Variants in KCNMA1 observed in about 807,000 individuals in gnomAD.
KCNMA1 encodes potassium calcium-activated channel subfamily M alpha 1.
Under a neutral mutation model 140.0 loss-of-function variants are expected in KCNMA1, and 29 were observed. The ratio of observed to expected loss-of-function variants is 0.21; its 90% CI spans 0.15 to 0.28. KCNMA1 has a LOEUF of 0.28. Ranked by LOEUF, KCNMA1 falls within the 10% of genes least tolerant of loss-of-function variation. The probability of loss-of-function intolerance (pLI) is 1.00; values close to 1 mark genes in which losing one functional copy is unlikely to be tolerated. For missense variants in KCNMA1, 880 were observed against 1,602.2 expected, an observed-to-expected ratio of 0.55 and a Z score of 7.70; for synonymous variants, 612 against 611.9, an observed-to-expected ratio of 1.00 and a Z score of 0.00.
chr10:76,946,729 A>G (rs1412344141), intron 22 of KCNMA1, among the ~76,000 whole-genome samples: 1 of 152,182 alleles, frequency 6.6e-6, no homozygotes, highest in Non-Finnish European at 1.5e-5. Context: ...GCCTGCATCC[A>G]TATTCTTTTA....
intron 2 of KCNMA1, among the ~76,000 whole-genome samples, chr10:77,261,806 C>T (rs1296337153): frequency 5.3e-5 from 8 of 152,214 alleles, no homozygotes; most frequent in Non-Finnish European, 1.0e-4. Context: ...GAAGACCTTT[C>T]CTGTCCAAGT....
At chr10:77,207,188 A>G (rs1289784149) in intron 3 of KCNMA1, among the ~76,000 whole-genome samples, 1 of 152,208 alleles carries the variant, frequency 6.6e-6, no homozygotes, top group Non-Finnish European at 1.5e-5. Flanking sequence ...ATGTTAATCT[A>G]AAGCTCTTCT....
chr10:77,334,855 TA>T (rs1406719283), intron 2 of KCNMA1, among the ~76,000 whole-genome samples: 1 of 152,240 alleles, frequency 6.6e-6, no homozygotes, highest in East Asian at 1.9e-4. Flanking sequence ...CCAATATATG[TA>T]ATATATTATA....
intron 5 of KCNMA1, among the ~76,000 whole-genome samples, chr10:77,168,421 A>C (rs139038760): frequency 1.3e-5 from 2 of 152,296 alleles, no homozygotes; most frequent in East Asian, 3.9e-4. Context: ...AGACAAACCT[A>C]GATTGTATAG....
In KCNMA1 at chr10:77,147,265, A is replaced by C. The variant is rs1024645447; in HGVS notation, c.809-26217T>G. Among the ~76,000 whole-genome samples the C allele has an allele frequency of 2.0e-5, 3 of 152,190 alleles. No individual in the cohort carries two copies. The South Asian group carries it at 6.2e-4, about 32-fold the overall frequency. On this transcript the variant is annotated intron_variant, in intron 5 of 27. Coordinates refer to ENST00000286628, the MANE Select transcript of KCNMA1 (RefSeq NM_001161352.2). ...TTAAGTGTCTGCAGGTCTCTTCTTCACGCACTTACTCTTATTAAGTTTGGG... is the reference window on the plus strand; with the variant it reads ...TTAAGTGTCTGCAGGTCTCTTCTTCCCGCACTTACTCTTATTAAGTTTGGG...
chr10:77,471,386 C>T (rs949331308), intron 1 of KCNMA1, among the ~76,000 whole-genome samples: 9 of 151,482 alleles, frequency 5.9e-5, no homozygotes, highest in African/African-American at 2.2e-4. Context: ...ACCACACACA[C>T]CACATAACAC....
intron 2 of KCNMA1, among the ~76,000 whole-genome samples, chr10:77,298,251 A>T (rs1459774407): frequency 6.6e-6 from 1 of 151,974 alleles, no homozygotes; most frequent in Admixed American, 6.6e-5. Flanking sequence ...TTATTTATTT[A>T]TTTATTTTGA....
At chr10:77,184,997 G>A in intron 3 of KCNMA1, 81 bp from the exon 4 acceptor site, 2 of 840,050 alleles carry the variant, frequency 2.4e-6, no homozygotes, top group South Asian at 1.3e-5. Flanking sequence ...AGAAGTGGTA[G>A]TGCTTAGGGT....
chr10:77,586,493 A>C (rs2077319908), intron 1 of KCNMA1: 1 of 152,256 alleles, frequency 6.6e-6, no homozygotes, highest in African/African-American at 2.4e-5. Flanking sequence ...GAGATGCAGC[A>C]ATAAATTACA....
intron 12 of KCNMA1, 105 bp downstream of exon 12, chr10:77,084,532 G>A (rs977511701): frequency 3.1e-5 from 27 of 873,840 alleles, no homozygotes; most frequent in South Asian, 2.7e-4. Flanking sequence ...TGGCTTGTGG[G>A]GCAAAAAGGC....
At chr10:77,025,525 A>G in intron 16 of KCNMA1, 1 of 1,269,672 alleles carries the variant, frequency 7.9e-7, no homozygotes, top group Non-Finnish European at 1.1e-6. Flanking sequence ...CACCAGAAGG[A>G]AAGAAGGAAT....
intron 19 of KCNMA1, among the ~76,000 whole-genome samples, chr10:76,984,206 T>TG (rs1184071214): frequency 6.6e-6 from 1 of 151,652 alleles, no homozygotes; most frequent in African/African-American, 2.4e-5. Context: ...ATTTACTTTT[T>TG]TTTTTTGAGA....
intron 16 of KCNMA1, among the ~76,000 whole-genome samples, chr10:77,026,711 G>C (rs932957004): frequency 2.0e-5 from 3 of 152,118 alleles, no homozygotes; most frequent in East Asian, 1.9e-4. Context: ...GATTGACTTT[G>C]TGAGCAATCT....
At chr10:77,156,981 T>A (rs1433546831) in intron 5 of KCNMA1, among the ~76,000 whole-genome samples, 2 of 152,168 alleles carry the variant, frequency 1.3e-5, no homozygotes, top group Non-Finnish European at 2.9e-5. Context: ...GGAGACTGAT[T>A]TGAAGGATAA....
chr10:76,951,144 G>A (rs1396343736), intron 21 of KCNMA1, among the ~76,000 whole-genome samples: 6 of 152,132 alleles, frequency 3.9e-5, no homozygotes. Flanking sequence ...TAGGGAGGTG[G>A]GGAAGGCACA....
chr10:76,931,752 C>T (rs777254999), intron 23 of KCNMA1, among the ~76,000 whole-genome samples: 2 of 152,268 alleles, frequency 1.3e-5, no homozygotes, highest in East Asian at 1.9e-4. Flanking sequence ...GGAGGGGAAG[C>T]GCCCCATGCT....
At chr10:77,610,796 TA>T (rs1411598309) in intron 1 of KCNMA1, among the ~76,000 whole-genome samples, 1 of 152,196 alleles carries the variant, frequency 6.6e-6, no homozygotes, top group Non-Finnish European at 1.5e-5. Flanking sequence ...ATGTAGATAA[TA>T]ATGATGGTTA....
At chr10:77,382,167 G>T (rs905642260) in intron 2 of KCNMA1, among the ~76,000 whole-genome samples, 1 of 152,052 alleles carries the variant, frequency 6.6e-6, no homozygotes, top group Non-Finnish European at 1.5e-5. Flanking sequence ...CTGCACCACC[G>T]AGTAAGCCTT....
chr10:77,439,253 T>C (rs183792432), intron 1 of KCNMA1, among the ~76,000 whole-genome samples: 1 of 152,350 alleles, frequency 6.6e-6, no homozygotes, highest in Non-Finnish European at 1.5e-5. Flanking sequence ...GATTATACCA[T>C]AAACATTAAA....
Sources: allele counts gnomAD v4.1 joint callset (sites outside exome capture counted in the v4.1 genomes callset), GRCh38; gene constraint gnomAD v4.1.1; transcripts MANE v1.5; gene names NCBI Gene and HGNC (gene_info 2026-07-23, HGNC 2026-07-21).